Variants in CYP26B1 observed in about 807,000 individuals in gnomAD.
CYP26B1 encodes cytochrome P450 family 26 subfamily B member 1.
A neutral mutation model predicts 39.1 loss-of-function variants in CYP26B1; 8 were observed. The observed-to-expected ratio is 0.20, with a 90% CI of 0.12 to 0.37. CYP26B1 has a LOEUF of 0.37. Ranked by LOEUF, CYP26B1 falls within the 10% of genes least tolerant of loss-of-function variation. The pLI is 1.00. For synonymous variants in CYP26B1, 321 were observed against 314.3 expected, an observed-to-expected ratio of 1.02 and a Z score of -0.23; for missense variants, 615 against 707.0, an observed-to-expected ratio of 0.87 and a Z score of 1.48.
Position 72,147,646 on chromosome 2 carries a change from G to A in CYP26B1, c.189C>T (p.Gly63=), listed in dbSNP as rs1005503013. 46 of 1,609,476 alleles carry A rather than the reference G, an allele frequency of 2.9e-5. No homozygotes were observed. Among genetic ancestry groups the A allele is most frequent in the Non-Finnish European group, 3.9e-5 (46 of 1,178,650 alleles). The change falls in exon 1 of 6, where the codon GGC becomes GGT. Residue 63 remains glycine (G), a synonymous_variant. Coordinates refer to ENST00000001146, the MANE Select transcript of CYP26B1 (RefSeq NM_019885.4). The surrounding 1 kb of genome is among the most constrained non-coding windows in gnomAD (Gnocchi z 6.1). ...SMGFPLIGET[G]HWLLQGSGFQ... is the part of the protein sequence containing the mutation. ...GCGCCCTTACCTGCAGCAGCCAGTG[G>A]CCGGTCTCTCCGATGAGCGGGAAGC...
intron 2 of CYP26B1, among the ~76,000 whole-genome samples, chr2:72,136,078 G>GC (rs3835744): frequency 6.6e-6 from 1 of 151,840 alleles, no homozygotes; most frequent in African/African-American, 2.4e-5. Flanking sequence ...TGGCTGCGCA[G>GC]CCCCCCTTGC....
intron 2 of CYP26B1, among the ~76,000 whole-genome samples, chr2:72,140,441 T>C (rs1361936484): frequency 6.6e-6 from 1 of 152,268 alleles, no homozygotes; most frequent in Non-Finnish European, 1.5e-5. Context: ...GCGTTGTGCC[T>C]ATGCCAAGGG....
At position 72,130,088 on chromosome 2, in the gene CYP26B1, C is replaced by T. The variant is rs1676518735; in HGVS notation, c.*2139G>A. 1 of 152,198 alleles carries T rather than the reference C, an allele frequency of 6.6e-6. No homozygotes were observed. Among genetic ancestry groups the T allele is most frequent in the Non-Finnish European group, 1.5e-5 (1 of 68,120 alleles). 9.4% of individuals were successfully genotyped at this position (152,198 alleles called of 1,614,324 possible). A position where few individuals can be genotyped will look rare whatever the true frequency, so the allele number is the denominator to read the frequency against. On this transcript the variant is annotated 3_prime_UTR_variant, in exon 6 of 6. Coordinates refer to ENST00000001146, the MANE Select transcript of CYP26B1 (RefSeq NM_019885.4). ...GACCTCCCAGCCCCATGCCCCCTGC[C>T]CCTCACCTGGACCAGACCCAGTGGG...
chr2:72,135,535 G>A (rs1490103258), intron 2 of CYP26B1, 116 bp from the exon 3 acceptor site: 25 of 1,463,802 alleles, frequency 1.7e-5, no homozygotes. Flanking sequence ...CCACACAACA[G>A]CAAAGCCTTG....
At chr2:72,145,939 A>G (rs952822082) in intron 1 of CYP26B1, among the ~76,000 whole-genome samples, 1 of 152,144 alleles carries the variant, frequency 6.6e-6, no homozygotes, top group Non-Finnish European at 1.5e-5. Context: ...GTAAAATCTG[A>G]TAAATGACTC....
chr2:72,139,438 TCTGGGTGTGTGGGG>T (rs1676874618), intron 2 of CYP26B1, among the ~76,000 whole-genome samples: 1 of 152,166 alleles, frequency 6.6e-6, no homozygotes, highest in South Asian at 2.1e-4. Context: ...AAATGTCCAA[TCTGGGTGTGTGGGG>T]CTGGGTACAC....
chr2:72,139,753 G>A (rs1676884409), intron 2 of CYP26B1, among the ~76,000 whole-genome samples: 1 of 152,248 alleles, frequency 6.6e-6, no homozygotes, highest in Admixed American at 6.5e-5. Context: ...CTGTGGATGG[G>A]TAGGGGCCCT....
chr2:72,134,559 G>A (rs890330175), intron 4 of CYP26B1, among the ~76,000 whole-genome samples: 1 of 152,182 alleles, frequency 6.6e-6, no homozygotes, highest in African/African-American at 2.4e-5. Flanking sequence ...AGAGAAGGGA[G>A]GGTGCCCCAC....
chr2:72,144,737 C>T (rs1418745876), intron 1 of CYP26B1, among the ~76,000 whole-genome samples: 2 of 152,216 alleles, frequency 1.3e-5, no homozygotes, highest in Non-Finnish European at 2.9e-5. Context: ...GACCCGGCGG[C>T]CCTCGGAGGA....
chr2:72,134,091 T>C (rs1454344620), intron 4 of CYP26B1, among the ~76,000 whole-genome samples: 1 of 152,206 alleles, frequency 6.6e-6, no homozygotes, highest in Non-Finnish European at 1.5e-5. Context: ...CCACTCCAGC[T>C]CTTCCTAGCT....
chr2:72,147,711 C>T lies in CYP26B1; in HGVS notation c.124G>A (p.Asp42Asn). Reference sequence around the variant, plus strand: ...GGGATGGGCAGCTTGCAGCTCTTGTCGCGAGTGGCGGCCCAGCGCAGCTGC... The same window carrying T: ...GGGATGGGCAGCTTGCAGCTCTTGTTGCGAGTGGCGGCCCAGCGCAGCTGC... ...LWQLRWAATR[D>N]KSCKLPIPKG... Residue 42 changes from aspartate to asparagine, a missense_variant, in exon 1 of 6, where the codon GAC (aspartate) becomes AAC (asparagine). By Grantham distance (23) the Asp-to-Asn change is conservative. Transcript: ENST00000001146. The surrounding 1 kb of genome is among the most constrained non-coding windows in gnomAD (Gnocchi z 6.1). 1 of 1,604,388 alleles carries T rather than the reference C, an allele frequency of 6.2e-7. No individual in the cohort carries two copies. The highest frequency in any genetic ancestry group is 1.1e-5 in the South Asian group (1 of 89,630).
chr2:72,134,621 G>A, intron 4 of CYP26B1, 140 bp downstream of exon 4: 1 of 1,359,034 alleles, frequency 7.4e-7, no homozygotes, highest in Non-Finnish European at 1.0e-6. Flanking sequence ...CAGTTTCAAG[G>A]TCTCCAGCCA....
chr2:72,136,292 C>T (rs1676772883), intron 2 of CYP26B1, among the ~76,000 whole-genome samples: 1 of 146,888 alleles, frequency 6.8e-6, no homozygotes, highest in African/African-American at 2.4e-5. Context: ...GAAGAGGGAG[C>T]CCCCCACTCC....
chr2:72,143,069 T>G (rs1676989809), intron 2 of CYP26B1: 1 of 167,116 alleles, frequency 6.0e-6, no homozygotes, highest in Non-Finnish European at 1.5e-5. Flanking sequence ...CTCCCCGGTC[T>G]GCCACCGCTC....
chr2:72,135,277 C>A lies in CYP26B1; in HGVS notation c.572G>T (p.Arg191Leu), dbSNP rs76025186. The change falls in exon 3 of 6, where the codon CGC becomes CTC. Residue 191 changes from arginine to leucine, a missense_variant. Coordinates refer to ENST00000001146, the MANE Select transcript of CYP26B1 (RefSeq NM_019885.4). ...GCCCAGCAGCACCCGGATGGCCATG[C>A]GGAAGGTCAGCTTCTGCGCCTCCTG... Reference protein sequence around the residue: ...VYQEAQKLTFRMAIRVLLGFS... With the variant: ...VYQEAQKLTFLMAIRVLLGFS... The A allele has an allele frequency of 1.9e-6, 3 of 1,614,074 alleles. No homozygotes were observed. Among genetic ancestry groups the A allele is most frequent in the Non-Finnish European group, 1.7e-6 (2 of 1,180,022 alleles).
At chr2:72,138,941 A>C (rs1275839130) in intron 2 of CYP26B1, among the ~76,000 whole-genome samples, 2 of 152,314 alleles carry the variant, frequency 1.3e-5, no homozygotes, top group Admixed American at 6.5e-5. Context: ...TTTCTACAAA[A>C]GCATTCTCCC....
At chr2:72,138,242 C>T (rs1676834226) in intron 2 of CYP26B1, among the ~76,000 whole-genome samples, 1 of 152,198 alleles carries the variant, frequency 6.6e-6, no homozygotes, top group Admixed American at 6.5e-5. Context: ...AGCCTCATCC[C>T]TGGGTCTGTG....
rs567027476 is a variant in CYP26B1 at position 72,130,752 on chromosome 2, C to T, written c.*1475G>A. 7 of 152,308 alleles carry T rather than the reference C, an allele frequency of 4.6e-5. No individual in the cohort carries two copies. Among genetic ancestry groups the T allele is most frequent in the African/African-American group, 1.7e-4 (7 of 41,568 alleles). The allele number at this position is 152,308 out of a possible 1,614,324, so 9.4% of individuals were successfully genotyped here. A position where few individuals can be genotyped will look rare whatever the true frequency, so the allele number is the denominator to read the frequency against. ...TGGCAGGAGCTACTCCTCTTTCACC[C>T]AGTCATCCCGACTGGCCAGTTTTCA... is the stretch of plus-strand genomic sequence containing the variant. On this transcript the variant is annotated 3_prime_UTR_variant, in exon 6 of 6. Coordinates refer to ENST00000001146, the MANE Select transcript of CYP26B1 (RefSeq NM_019885.4).
intron 2 of CYP26B1, among the ~76,000 whole-genome samples, chr2:72,140,337 C>T (rs917687711): frequency 5.3e-5 from 8 of 152,218 alleles, no homozygotes; most frequent in East Asian, 1.9e-4. Context: ...CAGATAGATC[C>T]GCTCCTGCTA....
Sources: allele counts gnomAD v4.1 joint callset (sites outside exome capture counted in the v4.1 genomes callset), GRCh38; gene constraint gnomAD v4.1.1; non-coding constraint Gnocchi (gnomAD v3.1); transcripts MANE v1.5; gene names NCBI Gene and HGNC (gene_info 2026-07-23, HGNC 2026-07-21).